CNTNAP5: variants seen among roughly 807,000 people sequenced by gnomAD.
The protein encoded by CNTNAP5 is contactin-associated protein-like 5.
In CNTNAP5, 72 loss-of-function variants were observed where a neutral mutation model predicts 150.2. The ratio of observed to expected loss-of-function variants is 0.48; its 90% CI spans 0.40 to 0.58. CNTNAP5 has a LOEUF of 0.58. Ranked by LOEUF, CNTNAP5 falls within the 20% of genes least tolerant of loss-of-function variation. The pLI, the probability that CNTNAP5 is intolerant of heterozygous loss-of-function variation, is 0.00. For synonymous variants in CNTNAP5, 672 were observed against 619.8 expected, an observed-to-expected ratio of 1.08 and a Z score of -1.25; for missense variants, 1,636 against 1,626.2, an observed-to-expected ratio of 1.01 and a Z score of -0.10.
At chr2:124,213,136 C>T (rs1321978951) in intron 1 of CNTNAP5, among the ~76,000 whole-genome samples, 3 of 152,060 alleles carry the variant, frequency 2.0e-5, no homozygotes, top group Non-Finnish European at 4.4e-5. Flanking sequence ...CCGGGCCTGG[C>T]CTATGTGTAG....
chr2:124,794,874 T>A (rs1573622124), intron 18 of CNTNAP5, among the ~76,000 whole-genome samples: 1 of 152,234 alleles, frequency 6.6e-6, no homozygotes, highest in African/African-American at 2.4e-5. Context: ...TAAGCACTCA[T>A]GATAAACACG....
Position 124,594,758 on chromosome 2 carries a change from C to T in CNTNAP5, c.1757-15043C>T, listed in dbSNP as rs1696783249. 2.3e-5 allele frequency among the ~76,000 whole-genome samples: 3 copies of T among 130,356 alleles called. 1 individual carries two copies. The East Asian group carries it at 9.1e-4, about 39-fold the overall frequency. The allele number at this position is 130,356 out of a possible 152,430, so 85.5% of individuals were successfully genotyped here. A position where few individuals can be genotyped will look rare whatever the true frequency, so the allele number is the denominator to read the frequency against. Reference sequence around the variant, plus strand: ...GGCCATTTTCACGATATTGATTCTTCCTACCCATGAGCATGGAATGTTCTT... The same window carrying T: ...GGCCATTTTCACGATATTGATTCTTTCTACCCATGAGCATGGAATGTTCTT... On this transcript the variant is annotated intron_variant, in intron 11 of 23. Transcript: ENST00000682447.
intron 11 of CNTNAP5, among the ~76,000 whole-genome samples, chr2:124,569,362 T>TA (rs1696101232): frequency 6.6e-6 from 1 of 152,144 alleles, no homozygotes; most frequent in African/African-American, 2.4e-5. Flanking sequence ...AATTCCAGAT[T>TA]AAAAAAAGAG....
chr2:124,428,738 G>A (rs1305993955), intron 4 of CNTNAP5, among the ~76,000 whole-genome samples: 1 of 151,892 alleles, frequency 6.6e-6, no homozygotes, highest in African/African-American at 2.4e-5. Flanking sequence ...ACCTTTCAGG[G>A]CTACTAAGAA....
chr2:124,529,582 A>G (rs1695059168), intron 10 of CNTNAP5, among the ~76,000 whole-genome samples: 1 of 152,198 alleles, frequency 6.6e-6, no homozygotes, highest in African/African-American at 2.4e-5. Flanking sequence ...TGTTATCTGA[A>G]GAGAGGCAGG....
chr2:124,510,512 T>TACAC lies in CNTNAP5; in HGVS notation c.1327+5957_1327+5958insCACA, dbSNP rs1248389708. 3.0e-3 allele frequency among the ~76,000 whole-genome samples: 381 copies of TACAC among 127,596 alleles called. 7 individuals are homozygous for TACAC. Among genetic ancestry groups the TACAC allele is most frequent in the African/African-American group, 0.011 (315 of 29,828 alleles). The allele number at this position is 127,596 out of a possible 152,430, so 83.7% of individuals were successfully genotyped here. A position where few individuals can be genotyped will look rare whatever the true frequency, so the allele number is the denominator to read the frequency against. Reference sequence around the variant, plus strand: ...ATATATATATATATATATATATATATATATATACATATATCTCCATATATC... The same window carrying TACAC: ...ATATATATATATATATATATATATATACACATATATACATATATCTCCATATATC... On this transcript the variant is annotated intron_variant, in intron 8 of 23. Transcript: ENST00000682447.
chr2:124,463,280 T>A (rs76524476), intron 6 of CNTNAP5, among the ~76,000 whole-genome samples: 12,046 of 152,224 alleles, frequency 0.079, 695 homozygotes, highest in South Asian at 0.17. Context: ...AGACAAAAAA[T>A]TATAAAATAT....
intron 17 of CNTNAP5, among the ~76,000 whole-genome samples, chr2:124,786,967 C>T (rs934630797): frequency 1.3e-5 from 2 of 152,132 alleles, no homozygotes; most frequent in Non-Finnish European, 2.9e-5. Context: ...TGTGTCATTA[C>T]GGTTTGTCAG....
chr2:124,097,543 A>G (rs1194738276), intron 1 of CNTNAP5, among the ~76,000 whole-genome samples: 1 of 152,156 alleles, frequency 6.6e-6, no homozygotes, highest in African/African-American at 2.4e-5. Context: ...CTGTAAGGAC[A>G]TGCTGGCGCC....
chr2:124,828,589 C>T (rs1197713153), intron 19 of CNTNAP5, among the ~76,000 whole-genome samples: 1 of 151,574 alleles, frequency 6.6e-6, no homozygotes, highest in Non-Finnish European at 1.5e-5. Flanking sequence ...TTTGAATTCC[C>T]TTCTCTTCTT....
chr2:124,625,060 G>A (rs559045660), intron 12 of CNTNAP5, among the ~76,000 whole-genome samples: 34 of 152,290 alleles, frequency 2.2e-4, no homozygotes, highest in South Asian at 4.1e-4. Context: ...GGTTATTAAG[G>A]CCAGGTGACA....
intron 6 of CNTNAP5, among the ~76,000 whole-genome samples, chr2:124,449,198 A>G (rs1224928189): frequency 6.6e-6 from 1 of 152,242 alleles, no homozygotes; most frequent in East Asian, 1.9e-4. Context: ...AGAATACAAG[A>G]TAACAGGTGG....
At chr2:124,911,090 C>A (rs1393532445) in intron 22 of CNTNAP5, among the ~76,000 whole-genome samples, 2 of 151,694 alleles carry the variant, frequency 1.3e-5, no homozygotes, top group Admixed American at 6.6e-5. Context: ...ACTCAGGATC[C>A]TTTTGCATCT....
At chr2:124,771,727 TCAC>T (rs1315853528) in intron 16 of CNTNAP5, among the ~76,000 whole-genome samples, 1 of 138,420 alleles carries the variant, frequency 7.2e-6, no homozygotes, top group East Asian at 2.2e-4. Context: ...ATCACCACCA[TCAC>T]CACCACCGTT....
At chr2:124,067,244 A>G (rs1682183879) in intron 1 of CNTNAP5, among the ~76,000 whole-genome samples, 1 of 152,180 alleles carries the variant, frequency 6.6e-6, no homozygotes, top group Non-Finnish European at 1.5e-5. Flanking sequence ...AGCAGCAGAA[A>G]TTTATTCTCT....
chr2:124,400,199 T>G (rs562290622), intron 3 of CNTNAP5, among the ~76,000 whole-genome samples: 19 of 151,914 alleles, frequency 1.3e-4, no homozygotes, highest in Non-Finnish European at 2.5e-4. Context: ...TGCTTGAGAT[T>G]TTAGGAGAAG....
At chr2:124,809,982 A>G (rs1405729542) in intron 19 of CNTNAP5, among the ~76,000 whole-genome samples, 2 of 152,194 alleles carry the variant, frequency 1.3e-5, no homozygotes, top group Non-Finnish European at 2.9e-5. Context: ...ACTTCTGAAG[A>G]AAAACACTGG....
intron 3 of CNTNAP5, among the ~76,000 whole-genome samples, chr2:124,271,934 C>G (rs540210591): frequency 1.4e-4 from 21 of 152,158 alleles, no homozygotes; most frequent in Admixed American, 6.5e-5. Context: ...AGGCTGGTCT[C>G]CAATACCTGA....
At chr2:124,859,153 T>C (rs1359342933) in intron 19 of CNTNAP5, among the ~76,000 whole-genome samples, 1 of 152,016 alleles carries the variant, frequency 6.6e-6, no homozygotes, top group Non-Finnish European at 1.5e-5. Context: ...TTTTGCAATC[T>C]ACTCATCTGA....
Sources: allele counts gnomAD v4.1 joint callset (sites outside exome capture counted in the v4.1 genomes callset), GRCh38; gene constraint gnomAD v4.1.1; transcripts MANE v1.5; gene names NCBI Gene and HGNC (gene_info 2026-07-23, HGNC 2026-07-21).